ANO1: variants seen among roughly 807,000 people sequenced by gnomAD.
ANO1 encodes the protein anoctamin 1.
A neutral mutation model predicts 124.0 loss-of-function variants in ANO1; 59 were observed. The ratio of observed to expected loss-of-function variants is 0.48; its 90% confidence interval spans 0.39 to 0.59. The LOEUF is 0.59. ANO1 is among the 20% of genes least tolerant of loss of function. The pLI, the probability that ANO1 is intolerant of heterozygous loss-of-function variation, is 0.00. For missense variants in ANO1, 1,059 were observed against 1,328.0 expected (o/e 0.80, Z 3.15); for synonymous variants, 529 against 532.0 (o/e 0.99, Z 0.08).
At chr11:69,974,217 G>A in the ANO1 span, among the ~76,000 whole-genome samples, 1 of 151,970 alleles carries the variant, frequency 6.6e-6, no homozygotes, top group South Asian at 2.1e-4. Flanking sequence ...TACTCGGGAG[G>A]CTGAGGTGGG....
the ANO1 span, among the ~76,000 whole-genome samples, chr11:69,976,555 G>T: frequency 2.9e-5 from 2 of 69,520 alleles, no homozygotes; most frequent in African/African-American, 1.0e-4. Context: ...AAAAAAAAAA[G>T]AGAGAGAGAG....
chr11:70,144,729 G>A (rs192629154), intron 11 of ANO1, among the ~76,000 whole-genome samples: 191 of 152,332 alleles, frequency 1.3e-3, no homozygotes, highest in Admixed American at 4.2e-3. Context: ...TGGCCACCTC[G>A]TAAGGCTGCT....
At chr11:70,172,227 A>G (rs1565275965) in intron 22 of ANO1, among the ~76,000 whole-genome samples, 2 of 152,092 alleles carry the variant, frequency 1.3e-5, no homozygotes, top group Admixed American at 6.6e-5. Flanking sequence ...GCTCCCTGTT[A>G]CCAGAGGCAT....
intron 12 of ANO1, among the ~76,000 whole-genome samples, chr11:70,151,752 G>C (rs1227893149): frequency 6.6e-6 from 1 of 152,204 alleles, no homozygotes; most frequent in African/African-American, 2.4e-5. Flanking sequence ...AACCTCAGGC[G>C]ACAGGGGCCG....
At chr11:70,047,678 A>T (rs189708412) in intron 1 of ANO1, among the ~76,000 whole-genome samples, 1 of 152,238 alleles carries the variant, frequency 6.6e-6, no homozygotes, top group African/African-American at 2.4e-5. Flanking sequence ...CAGCCTTCTC[A>T]TGACACTCTA....
intron 1 of ANO1, among the ~76,000 whole-genome samples, chr11:70,042,997 T>C (rs1857206506): frequency 6.6e-6 from 1 of 152,038 alleles, no homozygotes; most frequent in Non-Finnish European, 1.5e-5. Flanking sequence ...TGAGAGAATA[T>C]GACACATAAC....
intron 1 of ANO1, among the ~76,000 whole-genome samples, chr11:69,988,181 G>A (rs17323067): frequency 0.077 from 11,709 of 152,236 alleles, 759 homozygotes; most frequent in Admixed American, 0.14. Flanking sequence ...GGCTTCGCCC[G>A]TAAATAGGAA....
intron 2 of ANO1, among the ~76,000 whole-genome samples, chr11:70,100,264 A>C (rs1304897907): frequency 2.0e-5 from 3 of 152,222 alleles, no homozygotes; most frequent in African/African-American, 7.2e-5. Context: ...CCCCCGATCC[A>C]CATGCTCCTG....
intron 1 of ANO1, among the ~76,000 whole-genome samples, chr11:70,084,375 G>A (rs1436055429): frequency 1.3e-5 from 2 of 152,198 alleles, no homozygotes; most frequent in African/African-American, 4.8e-5. Context: ...ATCTGCCATT[G>A]GGTGGCCATC....
In ANO1 at chr11:70,092,820, A is replaced by G. The variant is rs142459621; in HGVS notation, c.441+4736A>G. On this transcript the variant is annotated intron_variant, in intron 2 of 25. Transcript: ENST00000355303. ...CCAAGAGCCTGTTGAGGTCGGAGCC[A>G]TGTCCCAAAGAGAGACCCAGGGGTG... 1.9e-3 allele frequency among the ~76,000 whole-genome samples: 292 copies of G among 152,286 alleles called. 2 individuals carry two copies. Among genetic ancestry groups the G allele is most frequent in the Middle Eastern group, 6.8e-3 (2 of 294 alleles).
chr11:70,155,863 G>A (rs751938350), intron 14 of ANO1, 48 bp from the exon 15 acceptor site: 80 of 1,495,902 alleles, frequency 5.3e-5, no homozygotes, highest in East Asian at 8.0e-5. Context: ...CTGCGGTGCC[G>A]CCTCCCACTT....
intron 10 of ANO1, among the ~76,000 whole-genome samples, chr11:70,128,427 G>C (rs896889017): frequency 2.0e-5 from 3 of 152,216 alleles, no homozygotes; most frequent in Non-Finnish European, 4.4e-5. Context: ...AGGAAGCCTG[G>C]GGGACCTCCA....
At chr11:70,060,273 T>C (rs1451693769) in intron 1 of ANO1, among the ~76,000 whole-genome samples, 4 of 151,926 alleles carry the variant, frequency 2.6e-5, no homozygotes, top group Non-Finnish European at 5.9e-5. Context: ...TGTTGGGAAG[T>C]GGTGGAGGGA....
chr11:70,117,931 T>C (rs1432158890), intron 8 of ANO1, among the ~76,000 whole-genome samples: 2 of 152,220 alleles, frequency 1.3e-5, no homozygotes, highest in African/African-American at 4.8e-5. Context: ...TTGGTTATTT[T>C]TAGTGTAACA....
chr11:70,019,991 C>A (rs1856771304), intron 1 of ANO1, among the ~76,000 whole-genome samples: 1 of 152,214 alleles, frequency 6.6e-6, no homozygotes, highest in Admixed American at 6.5e-5. Flanking sequence ...CTTCCCTCTC[C>A]CCTCCCCAAT....
intron 1 of ANO1, among the ~76,000 whole-genome samples, chr11:70,087,427 A>G (rs2044427247): frequency 1.3e-5 from 2 of 152,178 alleles, no homozygotes; most frequent in Admixed American, 1.3e-4. Context: ...TTTTGCAAGC[A>G]GCCAGGGAGG....
intron 16 of ANO1, among the ~76,000 whole-genome samples, chr11:70,159,811 C>T (rs889255615): frequency 3.3e-5 from 5 of 152,206 alleles, no homozygotes; most frequent in African/African-American, 1.2e-4. Context: ...TTGGCAGGAC[C>T]GAGGGGTTTT....
intron 1 of ANO1, among the ~76,000 whole-genome samples, chr11:70,051,648 T>A (rs1164997562): frequency 1.3e-5 from 2 of 152,258 alleles, no homozygotes; most frequent in African/African-American, 4.8e-5. Context: ...TTTTGAGGAC[T>A]AATGCTGGTG....
chr11:70,003,437 A>G (rs1554999632), intron 1 of ANO1, among the ~76,000 whole-genome samples: 1 of 152,156 alleles, frequency 6.6e-6, no homozygotes, highest in East Asian at 1.9e-4. Flanking sequence ...CTTACTGTGT[A>G]CCTCCTGTAT....
Sources: gnomAD v4.1 joint callset for allele counts (sites outside exome capture counted in the v4.1 genomes callset) on GRCh38, gnomAD v4.1.1 for gene constraint, MANE v1.5 for transcripts, NCBI Gene and HGNC (gene_info 2026-07-23, HGNC 2026-07-21) for gene names.